Variants in CTBP1 observed in about 807,000 individuals in gnomAD.
CTBP1 encodes the protein C-terminal binding protein 1, also known as C-terminal-binding protein 1.
A neutral mutation model predicts 42.1 loss-of-function variants in CTBP1; 11 were observed. The observed-to-expected ratio is 0.26, with a 90% CI of 0.16 to 0.43. The LOEUF is 0.43. Ranked by LOEUF, CTBP1 falls within the 20% of genes least tolerant of loss-of-function variation. The pLI is 1.00. For synonymous variants in CTBP1, 324 were observed against 277.1 expected, an observed-to-expected ratio of 1.17 and a Z score of -1.68; for missense variants, 399 against 624.3, an observed-to-expected ratio of 0.64 and a Z score of 3.85.
intron 7 of CTBP1, 45 bp from the exon 8 acceptor site, chr4:1,213,650 C>T: frequency 6.3e-7 from 1 of 1,595,202 alleles, no homozygotes. Flanking sequence ...AGTGCTGTGG[C>T]TGGGTACGGA....
At chr4:1,215,173 G>A (rs1034599853) in intron 6 of CTBP1, among the ~76,000 whole-genome samples, 15 of 152,140 alleles carry the variant, frequency 9.9e-5, no homozygotes, top group African/African-American at 7.2e-5. Context: ...CAGCATCCAC[G>A]TGCCACACCC....
intron 2 of CTBP1, among the ~76,000 whole-genome samples, chr4:1,240,761 A>G (rs889971635): frequency 6.6e-6 from 1 of 152,094 alleles, no homozygotes; most frequent in African/African-American, 2.4e-5. Flanking sequence ...GCTGCCCCTG[A>G]CCACCGTGCC....
chr4:1,220,785 G>A lies in CTBP1; in HGVS notation c.514+4575C>T, dbSNP rs528999857. 3.9e-5 allele frequency among the ~76,000 whole-genome samples: 6 copies of A among 152,370 alleles called. No homozygotes were observed. The South Asian group carries it at 6.2e-4, about 16-fold the overall frequency. ...TCGTGCCGCAGCGACCTGCCATCCC[G>A]GGAAAGGGTGGGCCACCACCCCAGC... On this transcript the variant is annotated intron_variant, in intron 5 of 9. Coordinates refer to ENST00000382952, the MANE Select transcript of CTBP1 (RefSeq NM_001012614.2).
chr4:1,221,305 G>A (rs1055731128), intron 5 of CTBP1, among the ~76,000 whole-genome samples: 36 of 152,336 alleles, frequency 2.4e-4, no homozygotes, highest in African/African-American at 7.9e-4. Flanking sequence ...AAGGATACGC[G>A]GCTGCCGGAG....
chr4:1,225,892 G>T (rs1464202361), intron 4 of CTBP1, among the ~76,000 whole-genome samples: 1 of 151,662 alleles, frequency 6.6e-6, no homozygotes, highest in Non-Finnish European at 1.5e-5. Flanking sequence ...AGACAAGCAC[G>T]TGTCTCCCCG....
In CTBP1 at chr4:1,233,794, C is replaced by G. The variant is rs1055150125; in HGVS notation, c.162+4389G>C. ...TCCCTCCACGGCACTCAGACGGCGG[C>G]GACCTCCAACCAGCTATGCGGGAAG... is the stretch of plus-strand genomic sequence containing the variant. On this transcript the variant is annotated intron_variant, in intron 3 of 9. Coordinates refer to ENST00000382952, the MANE Select transcript of CTBP1 (RefSeq NM_001012614.2). This position sits in a 1 kb window ranked among gnomAD's most constrained non-coding sequence, Gnocchi z 4.6. Among the ~76,000 whole-genome samples the G allele has an allele frequency of 1.3e-5, 2 of 152,234 alleles. No individual in the cohort carries two copies. Among genetic ancestry groups the G allele is most frequent in the Non-Finnish European group, 2.9e-5 (2 of 68,046 alleles).
At chr4:1,213,641 G>A in intron 7 of CTBP1, 36 bp from the exon 8 acceptor site, 3 of 1,601,854 alleles carry the variant, frequency 1.9e-6, no homozygotes, top group Non-Finnish European at 2.6e-6. Flanking sequence ...TGCAGCCTGA[G>A]TGCTGTGGCT....
intron 5 of CTBP1, chr4:1,217,833 G>A (rs1033357472): frequency 6.6e-6 from 1 of 152,248 alleles, no homozygotes; most frequent in African/African-American, 2.4e-5. Flanking sequence ...ACAGATGACC[G>A]AGGCTGGAAT....
At chr4:1,213,331 G>A (rs996524290) in intron 8 of CTBP1, 147 bp downstream of exon 8, 3 of 1,316,920 alleles carry the variant, frequency 2.3e-6, no homozygotes, top group Non-Finnish European at 2.1e-6. Flanking sequence ...TTTGGCCTTA[G>A]AGGTCCCTGC....
intron 4 of CTBP1, among the ~76,000 whole-genome samples, chr4:1,226,753 C>T (rs1376635746): frequency 1.3e-5 from 2 of 151,776 alleles, no homozygotes; most frequent in Non-Finnish European, 2.9e-5. Flanking sequence ...ACACCGCAGC[C>T]GGCCCTTCCT....
intron 1 of CTBP1, chr4:1,243,957 T>G (rs1056781102): frequency 1.0e-6 from 1 of 985,290 alleles, no homozygotes; most frequent in Non-Finnish European, 1.2e-6. Flanking sequence ...GGGAAGTGAG[T>G]GTAGAGCACA....
chr4:1,236,449 A>T (rs866719561), intron 3 of CTBP1: 8 of 573,184 alleles, frequency 1.4e-5, no homozygotes, highest in Non-Finnish European at 2.5e-5. Flanking sequence ...ACCTTACTCC[A>T]CCCCCGCCAC....
Position 1,211,458 on chromosome 4 carries a change from G to C in CTBP1, c.*782C>G, listed in dbSNP as rs1028221986. On this transcript the variant is annotated 3_prime_UTR_variant, in exon 10 of 10. Transcript: ENST00000382952. ...TGCTGGGCACGCTGGCTCTTTCCAG[G>C]ATTTTTATTTCTTTAAAATAATTCA... 1 of 152,396 alleles carries C rather than the reference G, an allele frequency of 6.6e-6. No homozygotes were observed. The highest frequency in any genetic ancestry group is 1.5e-5 in the Non-Finnish European group (1 of 68,016). 9.4% of individuals were successfully genotyped at this position (152,396 alleles called of 1,614,324 possible). A position where few individuals can be genotyped will look rare whatever the true frequency, so the allele number is the denominator to read the frequency against.
rs1035026022 is a variant in CTBP1, at chr4:1,222,565, G to A, written c.514+2795C>T. Among the ~76,000 whole-genome samples the A allele has an allele frequency of 2.6e-5, 4 of 152,132 alleles. No homozygotes were observed. In the South Asian group the frequency reaches 6.2e-4, roughly 24 times the overall value. On this transcript the variant is annotated intron_variant, in intron 5 of 9. Transcript: ENST00000382952. ...TCCACCCTGCACTCCTCAGGACGCCGGGGTCCCCGCACCTGCAGTCCCCAC... is the reference window on the plus strand; with the variant it reads ...TCCACCCTGCACTCCTCAGGACGCCAGGGTCCCCGCACCTGCAGTCCCCAC...
intron 5 of CTBP1, among the ~76,000 whole-genome samples, chr4:1,219,469 T>G (rs1039124142): frequency 6.6e-6 from 1 of 152,222 alleles, no homozygotes; most frequent in Non-Finnish European, 1.5e-5. Flanking sequence ...ACCAATTAAT[T>G]AGACCACAAA....
At chr4:1,222,021 C>A (rs1729792881) in intron 5 of CTBP1, among the ~76,000 whole-genome samples, 1 of 152,200 alleles carries the variant, frequency 6.6e-6, no homozygotes, top group Non-Finnish European at 1.5e-5. Context: ...CTTCCACATT[C>A]CTGTAGCCAC....
At chr4:1,212,460 A>G in intron 9 of CTBP1, 37 bp from the exon 10 acceptor site, 1 of 1,401,162 alleles carries the variant, frequency 7.1e-7, no homozygotes, top group Non-Finnish European at 9.3e-7. Flanking sequence ...GCCCACCTGT[A>G]GGCGGCCTGG....
chr4:1,219,173 A>T (rs539763048), intron 5 of CTBP1, among the ~76,000 whole-genome samples: 9 of 151,906 alleles, frequency 5.9e-5, no homozygotes, highest in African/African-American at 1.4e-4. Context: ...CTCTACCAAA[A>T]AATAATAATA....
intron 5 of CTBP1, among the ~76,000 whole-genome samples, chr4:1,223,938 G>C (rs779283367): frequency 6.6e-6 from 1 of 152,218 alleles, no homozygotes; most frequent in Non-Finnish European, 1.5e-5. Context: ...CAGGATAGGC[G>C]GCTGCAAAGC....
Sources: gnomAD v4.1 joint callset for allele counts (sites outside exome capture counted in the v4.1 genomes callset) on GRCh38, gnomAD v4.1.1 for gene constraint, Gnocchi (gnomAD v3.1) non-coding constraint, MANE v1.5 for transcripts, NCBI Gene and HGNC (gene_info 2026-07-23, HGNC 2026-07-21) for gene names.